CSMD1: variants seen among roughly 807,000 people sequenced by gnomAD.
The protein encoded by CSMD1 is CUB and Sushi multiple domains 1.
CSMD1 carries 213 observed loss-of-function variants against 417.5 expected under a neutral mutation model. The ratio of observed to expected loss-of-function variants is 0.51; its 90% CI spans 0.46 to 0.57. The LOEUF is 0.57. Among genes scored for constraint, CSMD1 ranks in the 20% least tolerant of loss-of-function variants. The pLI is 0.00. For missense variants in CSMD1, 6,923 were observed against 4,529.7 expected, an observed-to-expected ratio of 1.53 and a Z score of -15.17; for synonymous variants, 2,862 against 1,736.8, an observed-to-expected ratio of 1.65 and a Z score of -16.11.
intron 10 of CSMD1, among the ~76,000 whole-genome samples, chr8:3,564,661 A>T (rs1300156844): frequency 6.6e-6 from 1 of 151,956 alleles, no homozygotes; most frequent in Non-Finnish European, 1.5e-5. Context: ...AAAGTTAAGA[A>T]CTGAGGTGTT....
intron 3 of CSMD1, among the ~76,000 whole-genome samples, chr8:4,096,083 T>C (rs1249083106): frequency 6.6e-6 from 1 of 152,144 alleles, no homozygotes; most frequent in Admixed American, 6.5e-5. Flanking sequence ...TTATGTTATA[T>C]GTTATCACAA....
chr8:3,285,388 CTT>C (rs147849935), intron 25 of CSMD1, among the ~76,000 whole-genome samples: 1 of 146,770 alleles, frequency 6.8e-6, no homozygotes, highest in African/African-American at 2.5e-5. Flanking sequence ...TTTGTCAGAA[CTT>C]TTTTTTTTTT....
chr8:4,462,702 T>G (rs902477214), intron 2 of CSMD1, among the ~76,000 whole-genome samples: 1 of 152,222 alleles, frequency 6.6e-6, no homozygotes, highest in South Asian at 2.1e-4. Context: ...CCCGTCAATT[T>G]GATTTTTGAC....
chr8:4,069,891 G>C (rs958012968), intron 3 of CSMD1, among the ~76,000 whole-genome samples: 2 of 151,914 alleles, frequency 1.3e-5, no homozygotes, highest in African/African-American at 4.8e-5. Context: ...GTTTTGTTTT[G>C]TTTTGTTTTG....
chr8:3,975,968 C>T (rs972778219), intron 5 of CSMD1, among the ~76,000 whole-genome samples: 1 of 151,878 alleles, frequency 6.6e-6, no homozygotes, highest in African/African-American at 2.4e-5. Context: ...ACATTAAAAT[C>T]AGTTTTTAAT....
At chr8:3,184,840 G>A (rs989619098) in intron 36 of CSMD1, among the ~76,000 whole-genome samples, 2 of 152,060 alleles carry the variant, frequency 1.3e-5, no homozygotes, top group East Asian at 1.9e-4. Context: ...AACCTTATCC[G>A]GACCCTTAAA....
chr8:3,585,915 A>G (rs534970929), intron 9 of CSMD1, among the ~76,000 whole-genome samples: 1 of 152,300 alleles, frequency 6.6e-6, no homozygotes, highest in East Asian at 1.9e-4. Flanking sequence ...GCTCACATCT[A>G]TCCTCAAATG....
intron 2 of CSMD1, among the ~76,000 whole-genome samples, chr8:4,475,813 A>C (rs1800772519): frequency 6.6e-6 from 1 of 151,948 alleles, no homozygotes; most frequent in African/African-American, 2.4e-5. Flanking sequence ...GGATTTCATT[A>C]TGTTGACCAG....
chr8:3,914,822 T>A (rs574513718), intron 5 of CSMD1, among the ~76,000 whole-genome samples: 7 of 152,140 alleles, frequency 4.6e-5, no homozygotes, highest in African/African-American at 9.7e-5. Context: ...CTCTACTGAG[T>A]GTCCTTATGC....
At chr8:3,471,371 G>C (rs1404099837) in intron 11 of CSMD1, among the ~76,000 whole-genome samples, 2 of 152,088 alleles carry the variant, frequency 1.3e-5, no homozygotes, top group African/African-American at 2.4e-5. Context: ...GAAATTAGCA[G>C]TTTTGATTTA....
chr8:4,417,136 G>A (rs993578451), intron 3 of CSMD1, among the ~76,000 whole-genome samples: 3 of 151,992 alleles, frequency 2.0e-5, no homozygotes, highest in Admixed American at 1.3e-4. Flanking sequence ...TAATTGCTGA[G>A]ACTTGCTGAG....
chr8:4,681,729 C>G (rs1584938724), intron 1 of CSMD1, among the ~76,000 whole-genome samples: 2 of 152,206 alleles, frequency 1.3e-5, no homozygotes, highest in South Asian at 4.2e-4. Context: ...AAAAAGAAGC[C>G]TAGACCTATT....
At chr8:3,000,927 A>G (rs1807350709) in intron 52 of CSMD1, among the ~76,000 whole-genome samples, 1 of 152,186 alleles carries the variant, frequency 6.6e-6, no homozygotes, top group Non-Finnish European at 1.5e-5. Flanking sequence ...CTTTAGTAAC[A>G]GAGCTTCCAC....
intron 2 of CSMD1, among the ~76,000 whole-genome samples, chr8:4,630,354 A>G (rs536692514): frequency 7.6e-4 from 115 of 151,936 alleles, no homozygotes; most frequent in Admixed American, 3.5e-3. Flanking sequence ...CACTTAGGGA[A>G]GGAGAGAATT....
intron 3 of CSMD1, among the ~76,000 whole-genome samples, chr8:4,096,288 T>C (rs1042684294): frequency 2.2e-4 from 34 of 152,194 alleles, no homozygotes; most frequent in African/African-American, 7.2e-4. Flanking sequence ...TGGGATGCCA[T>C]TGTGCTAGGA....
At chr8:4,428,412 T>A (rs1797686355) in intron 2 of CSMD1, among the ~76,000 whole-genome samples, 1 of 152,190 alleles carries the variant, frequency 6.6e-6, no homozygotes, top group South Asian at 2.1e-4. Flanking sequence ...TCAATAGGAA[T>A]ACCTAAATGA....
intron 23 of CSMD1, among the ~76,000 whole-genome samples, chr8:3,332,689 G>GCGCA (rs1806984263): frequency 6.6e-6 from 1 of 152,030 alleles, no homozygotes; most frequent in African/African-American, 2.4e-5. Flanking sequence ...GTGTGCGTGC[G>GCGCA]CACACACACA....
At chr8:4,470,116 C>T (rs926628560) in intron 2 of CSMD1, among the ~76,000 whole-genome samples, 18 of 151,934 alleles carry the variant, frequency 1.2e-4, no homozygotes, top group Non-Finnish European at 2.4e-4. Context: ...GTGATCCGCC[C>T]GCCTCGGCCT....
chr8:3,514,944 T>C (rs1797225473), intron 10 of CSMD1, among the ~76,000 whole-genome samples: 1 of 152,234 alleles, frequency 6.6e-6, no homozygotes, highest in Non-Finnish European at 1.5e-5. Context: ...GTATTTGAAT[T>C]GATAAATATT....
Sources: gnomAD v4.1 joint callset for allele counts (sites outside exome capture counted in the v4.1 genomes callset) on GRCh38, gnomAD v4.1.1 for gene constraint, MANE v1.5 for transcripts, NCBI Gene and HGNC (gene_info 2026-07-23, HGNC 2026-07-21) for gene names.